GNB4: variants seen among roughly 807,000 people sequenced by gnomAD.
GNB4 encodes the protein G protein subunit beta 4.
In GNB4, 28 loss-of-function variants were observed where a neutral mutation model predicts 45.2. The ratio of observed to expected loss-of-function variants is 0.62; its 90% CI spans 0.46 to 0.85. The LOEUF is 0.85. GNB4 is among the 40% of genes least tolerant of loss of function. GNB4 has a pLI of 0.00. For missense variants in GNB4, 321 were observed against 425.4 expected (o/e 0.75, Z 2.16); for synonymous variants, 132 against 143.7 (o/e 0.92, Z 0.58).
At chr3:179,462,987 T>C in the GNB4 span, among the ~76,000 whole-genome samples, 2 of 151,758 alleles carry the variant, frequency 1.3e-5, no homozygotes, top group Non-Finnish European at 2.9e-5. Context: ...CAAGAGCTAA[T>C]GAAGAAAAAA....
the GNB4 span, among the ~76,000 whole-genome samples, chr3:179,486,816 T>C: frequency 6.6e-6 from 1 of 152,240 alleles, no homozygotes; most frequent in South Asian, 2.1e-4. Context: ...ACCTAACGCT[T>C]AAGAAACAGC....
chr3:179,416,493 C>A lies in GNB4; in HGVS notation c.267G>T (p.Lys89Asn). 6.5e-7 allele frequency: 1 copy of A among 1,536,306 alleles called. No homozygotes were observed. The highest frequency in any genetic ancestry group is 1.2e-5 in the South Asian group (1 of 85,750). Residue 89 changes from lysine to asparagine, a missense_variant and splice_region_variant, in exon 5 of 10, where the codon AAG becomes AAT. Lys to Asn is a moderately conservative substitution (Grantham distance 94). Coordinates refer to ENST00000232564, the MANE Select transcript of GNB4 (RefSeq NM_021629.4). ...TAAAAGAATTATGAAGAAATTCTAC[C>A]TTATTTGTTGTATAGCTATCCCAAA... ...LIIWDSYTTN[K>N]MHAIPLRSSW...
chr3:179,425,468 A>G (rs1050730618), intron 2 of GNB4, among the ~76,000 whole-genome samples: 1 of 151,988 alleles, frequency 6.6e-6, no homozygotes, highest in African/African-American at 2.4e-5. Context: ...TCTGCCACTG[A>G]TAGTTTTGTT....
the GNB4 span, among the ~76,000 whole-genome samples, chr3:179,492,707 G>A: frequency 3.9e-5 from 6 of 152,006 alleles, no homozygotes; most frequent in South Asian, 2.1e-4. Flanking sequence ...CCCTGTCTCC[G>A]CAGCCATTCT....
At chr3:179,506,065 G>A in the GNB4 span, among the ~76,000 whole-genome samples, 898 of 152,318 alleles carry the variant, frequency 5.9e-3, 14 homozygotes, top group African/African-American at 0.021. Flanking sequence ...ACAAGCTGCC[G>A]GGCGCGGTGG....
At chr3:179,502,929 C>A in the GNB4 span, among the ~76,000 whole-genome samples, 1 of 152,070 alleles carries the variant, frequency 6.6e-6, no homozygotes, top group African/African-American at 2.4e-5. Context: ...AACCTCAAAC[C>A]CCTGGGTTCA....
At chr3:179,497,948 T>G in the GNB4 span, among the ~76,000 whole-genome samples, 3 of 152,320 alleles carry the variant, frequency 2.0e-5, no homozygotes, top group South Asian at 4.1e-4. Context: ...TTGATAGGAT[T>G]GTAAATTGTC....
At chr3:179,420,434 T>C (rs1319188157) in intron 3 of GNB4, among the ~76,000 whole-genome samples, 5 of 149,534 alleles carry the variant, frequency 3.3e-5, no homozygotes, top group East Asian at 3.9e-4. Flanking sequence ...GCCACCATGC[T>C]TGGCCTTGAA....
the GNB4 span, among the ~76,000 whole-genome samples, chr3:179,468,796 T>A: frequency 2.0e-5 from 3 of 152,106 alleles, no homozygotes; most frequent in Non-Finnish European, 2.9e-5. Flanking sequence ...TGGGAAAAAA[T>A]TTACATTCTA....
chr3:179,493,243 C>A, the GNB4 span, among the ~76,000 whole-genome samples: 11 of 152,028 alleles, frequency 7.2e-5, no homozygotes, highest in African/African-American at 2.7e-4. Flanking sequence ...TGAAGAGCTA[C>A]AAAGTACCTG....
At chr3:179,510,080 T>C in the GNB4 span, among the ~76,000 whole-genome samples, 2 of 152,108 alleles carry the variant, frequency 1.3e-5, no homozygotes, top group Non-Finnish European at 1.5e-5. Context: ...TCCTCCTGCT[T>C]CGGCCTCCCA....
At chr3:179,434,325 T>A (rs1715387228) in intron 1 of GNB4, among the ~76,000 whole-genome samples, 2 of 152,056 alleles carry the variant, frequency 1.3e-5, no homozygotes, top group South Asian at 2.1e-4. Flanking sequence ...TAAAATAATA[T>A]TGGGAGGAAA....
chr3:179,404,909 A>G (rs1334613334), intron 9 of GNB4, among the ~76,000 whole-genome samples: 1 of 152,224 alleles, frequency 6.6e-6, no homozygotes, highest in Non-Finnish European at 1.5e-5. Flanking sequence ...GTGATTTCTA[A>G]AAGACCACAC....
chr3:179,497,719 G>GA, the GNB4 span, among the ~76,000 whole-genome samples: 1 of 151,572 alleles, frequency 6.6e-6, no homozygotes, highest in Non-Finnish European at 1.5e-5. Flanking sequence ...TAAAAAAGAT[G>GA]AAAAAAACGA....
At position 179,413,461 on chromosome 3, in the gene GNB4, A is replaced by G. The variant is rs772933399; in HGVS notation, c.650T>C (p.Met217Thr). 1.9e-6 allele frequency: 3 copies of G among 1,614,056 alleles called. No individual in the cohort carries two copies. In the East Asian group the frequency reaches 6.7e-5, roughly 36 times the overall value. Residue 217 changes from methionine (M) to threonine (T), a missense_variant, in exon 8 of 10, where the codon ATG (methionine) becomes ACG (threonine). Coordinates refer to ENST00000232564, the MANE Select transcript of GNB4 (RefSeq NM_021629.4). ...SSKLWDIRDG[M>T]CRQSFTGHVS... ...ATGTCCCGTGAAAGACTGTCTACACATTCCATCTCGAATATCCCATAATTT... is the reference window on the plus strand; with the variant it reads ...ATGTCCCGTGAAAGACTGTCTACACGTTCCATCTCGAATATCCCATAATTT...
the GNB4 span, among the ~76,000 whole-genome samples, chr3:179,487,290 T>A: frequency 2.6e-5 from 4 of 152,356 alleles, no homozygotes; most frequent in South Asian, 8.3e-4. Flanking sequence ...CATAGTCTTA[T>A]CATATCATCT....
chr3:179,442,300 C>T lies in GNB4; in HGVS notation c.-43+9046G>A, dbSNP rs554490923. On this transcript the variant is annotated intron_variant, in intron 1 of 9. Transcript: ENST00000232564. ...ACTATTGTCCATGAATTCATTGAAC[C>T]CATTTTTAGTATGCTTATATTTTCA... 6.5e-4 allele frequency among the ~76,000 whole-genome samples: 99 copies of T among 152,186 alleles called. 1 individual carries two copies. The highest frequency in any genetic ancestry group is 2.1e-3 in the African/African-American group (87 of 41,518).
the GNB4 span, among the ~76,000 whole-genome samples, chr3:179,459,324 A>G: frequency 6.6e-6 from 1 of 152,232 alleles, no homozygotes; most frequent in Non-Finnish European, 1.5e-5. Flanking sequence ...AAATGGTGGC[A>G]CAGACATATG....
At chr3:179,402,721 C>T (rs1342092451) in intron 9 of GNB4, among the ~76,000 whole-genome samples, 3 of 152,184 alleles carry the variant, frequency 2.0e-5, no homozygotes, top group Non-Finnish European at 4.4e-5. Flanking sequence ...AATTACACTG[C>T]AGATTCTCCA....
Sources: allele counts gnomAD v4.1 joint callset (sites outside exome capture counted in the v4.1 genomes callset), GRCh38; gene constraint gnomAD v4.1.1; transcripts MANE v1.5; gene names NCBI Gene and HGNC (gene_info 2026-07-23, HGNC 2026-07-21).